The following SMIM36 variants were observed in gnomAD, a reference collection of about 807,000 sequenced individuals.
SMIM36 encodes small integral membrane protein 36.
intron 3 of SMIM36, among the ~76,000 whole-genome samples, chr17:55,478,092 A>G (rs571046683): frequency 6.6e-6 from 1 of 152,194 alleles, no homozygotes; most frequent in South Asian, 2.1e-4. Context: ...CTGAGGTGAG[A>G]GAACCACTTG....
chr17:55,495,485 G>A (rs577890373), intron 1 of SMIM36, among the ~76,000 whole-genome samples: 1 of 152,254 alleles, frequency 6.6e-6, no homozygotes, highest in South Asian at 2.1e-4. Flanking sequence ...TATAAACAGT[G>A]CTTATTTATA....
intron 4 of SMIM36, among the ~76,000 whole-genome samples, chr17:55,465,756 C>A (rs144002145): frequency 6.6e-6 from 1 of 152,142 alleles, no homozygotes; most frequent in African/African-American, 2.4e-5. Flanking sequence ...TCTGCACTGG[C>A]CAAGTGAGTT....
At chr17:55,519,497 G>T in the SMIM36 span, among the ~76,000 whole-genome samples, 1 of 152,034 alleles carries the variant, frequency 6.6e-6, no homozygotes, top group African/African-American at 2.4e-5. Flanking sequence ...CTTCAAGAGG[G>T]GTATGACCGG....
intron 1 of SMIM36, among the ~76,000 whole-genome samples, chr17:55,491,692 C>T (rs949023426): frequency 1.3e-5 from 2 of 152,202 alleles, no homozygotes; most frequent in African/African-American, 4.8e-5. Flanking sequence ...CCCTCCTGGC[C>T]TCAAACTCAG....
chr17:55,475,440 C>T (rs563476959), intron 3 of SMIM36, among the ~76,000 whole-genome samples: 21 of 152,222 alleles, frequency 1.4e-4, no homozygotes, highest in Non-Finnish European at 2.9e-4. Flanking sequence ...ATCTTCACCA[C>T]ACTGTCAATC....
chr17:55,473,789 A>G (rs971908459), intron 3 of SMIM36, among the ~76,000 whole-genome samples: 7 of 152,126 alleles, frequency 4.6e-5, no homozygotes, highest in African/African-American at 1.7e-4. Context: ...CTTGTTCCAG[A>G]TAAGGCGGGA....
At chr17:55,464,677 T>C (rs1342166984) in intron 4 of SMIM36, among the ~76,000 whole-genome samples, 1 of 152,210 alleles carries the variant, frequency 6.6e-6, no homozygotes, top group African/African-American at 2.4e-5. Context: ...GCTCTAGTTA[T>C]AGGGATTACA....
rs1567870722 is a variant in SMIM36 at position 55,501,016 on chromosome 17, T to TATATATTATAACATATA, written c.*174+9862_*174+9863insTATATGTTATAATATAT. Among the ~76,000 whole-genome samples the TATATATTATAACATATA allele has an allele frequency of 9.8e-4, 10 of 10,256 alleles. 4 individuals carry two copies. The highest frequency in any genetic ancestry group is 6.2e-3 in the African/African-American group (9 of 1,450). The allele number at this position is 10,256 out of a possible 152,430, so 6.7% of individuals were successfully genotyped here. ...TATAATATGTAACATATTATTATATTTTGTAATATATAATATATTATTATA... is the reference window on the plus strand; with the variant it reads ...TATAATATGTAACATATTATTATATTATATATTATAACATATATTGTAATATATAATATATTATTATA... On this transcript the variant is annotated intron_variant, in intron 1 of 4. Transcript: ENST00000636752.
intron 1 of SMIM36, among the ~76,000 whole-genome samples, chr17:55,507,944 C>T (rs1044072367): frequency 1.1e-4 from 17 of 152,148 alleles, no homozygotes; most frequent in African/African-American, 3.6e-4. Flanking sequence ...AAGAGCTCTG[C>T]TGGCAGTCCC....
At chr17:55,467,400 ATT>A (rs879738032) in intron 3 of SMIM36, 72 bp from the exon 4 acceptor site, 3 of 144,802 alleles carry the variant, frequency 2.1e-5, no homozygotes, top group African/African-American at 2.5e-5. Context: ...TTTTGACCAT[ATT>A]TTTTTTTTTT....
intron 3 of SMIM36, among the ~76,000 whole-genome samples, chr17:55,469,651 C>T (rs1468998519): frequency 6.6e-6 from 1 of 152,208 alleles, no homozygotes; most frequent in Non-Finnish European, 1.5e-5. Flanking sequence ...CTTGCCTCCA[C>T]TGTGAGAAAA....
chr17:55,490,795 A>G (rs1263321508), intron 1 of SMIM36, among the ~76,000 whole-genome samples: 2 of 152,244 alleles, frequency 1.3e-5, no homozygotes, highest in South Asian at 2.1e-4. Flanking sequence ...CACTATGATC[A>G]TAAGTATGTA....
the SMIM36 span, among the ~76,000 whole-genome samples, chr17:55,524,659 C>A: frequency 5.9e-5 from 9 of 152,110 alleles, no homozygotes; most frequent in Non-Finnish European, 1.3e-4. Flanking sequence ...ATTTGCATTT[C>A]TCTAGTTCAC....
chr17:55,458,696 G>C (rs1057025725), intron 4 of SMIM36, among the ~76,000 whole-genome samples: 2 of 151,868 alleles, frequency 1.3e-5, no homozygotes, highest in Non-Finnish European at 2.9e-5. Context: ...CCTCCTCTGC[G>C]GCCGAAGAGC....
At chr17:55,491,660 G>C (rs1909708450) in intron 1 of SMIM36, among the ~76,000 whole-genome samples, 1 of 152,188 alleles carries the variant, frequency 6.6e-6, no homozygotes, top group Admixed American at 6.5e-5. Flanking sequence ...GCTTGTGCCT[G>C]TTTGCCTATT....
At chr17:55,515,147 G>A (rs1910252403), upstream of SMIM36, among the ~76,000 whole-genome samples, 2 of 124,332 alleles carry the variant, frequency 1.6e-5, no homozygotes, top group Non-Finnish European at 3.2e-5. Context: ...AGAATGGAAA[G>A]TGAAAGAGGG....
intron 1 of SMIM36, among the ~76,000 whole-genome samples, chr17:55,502,021 TA>T (rs1312383402): frequency 5.3e-4 from 81 of 151,650 alleles, no homozygotes; most frequent in Non-Finnish European, 1.6e-4. Flanking sequence ...CAGACCGGCT[TA>T]AAAAACGGCG....
the SMIM36 span, among the ~76,000 whole-genome samples, chr17:55,530,559 C>A: frequency 6.6e-6 from 1 of 152,092 alleles, no homozygotes; most frequent in African/African-American, 2.4e-5. Flanking sequence ...CCAAGGCAGG[C>A]GGATCAAAAG....
chr17:55,456,178 C>T (rs150076747), intron 4 of SMIM36, among the ~76,000 whole-genome samples: 2 of 150,902 alleles, frequency 1.3e-5, no homozygotes, highest in East Asian at 3.9e-4. Flanking sequence ...AGTCCATATC[C>T]CTCATCAGGT....
Sources: gnomAD v4.1 joint callset for allele counts (sites outside exome capture counted in the v4.1 genomes callset) on GRCh38, gnomAD v4.1.1 for gene constraint, MANE v1.5 for transcripts, NCBI Gene and HGNC (gene_info 2026-07-23, HGNC 2026-07-21) for gene names.